Variants in SNRNP40 observed in about 807,000 individuals in gnomAD.
The protein encoded by SNRNP40 is small nuclear ribonucleoprotein U5 subunit 40, also known as U5 small nuclear ribonucleoprotein 40 kDa protein.
A neutral mutation model predicts 45.8 loss-of-function variants in SNRNP40; 21 were observed. That is an observed-to-expected ratio of 0.46 (90% CI 0.32 to 0.66). The LOEUF (loss-of-function observed/expected upper bound fraction) is 0.66. Among genes scored for constraint, SNRNP40 ranks in the 30% least tolerant of loss-of-function variants. The pLI is 0.03. For missense variants in SNRNP40, 344 were observed against 439.1 expected, an observed-to-expected ratio of 0.78 and a Z score of 1.94; for synonymous variants, 142 against 163.8, an observed-to-expected ratio of 0.87 and a Z score of 1.01.
chr1:31,263,785 C>T, intron 8 of SNRNP40: 1 of 244,278 alleles, frequency 4.1e-6, no homozygotes, highest in Non-Finnish European at 8.1e-6. Flanking sequence ...AGGAGCCCAG[C>T]AGGGGGTTCC....
In SNRNP40 at chr1:31,291,915, G is replaced by A; in HGVS notation, c.363C>T (p.Gly121=). The change falls in exon 3 of 10, where the codon GGC becomes GGT. Residue 121 remains glycine (G), a splice_region_variant and synonymous_variant. Coordinates refer to ENST00000263694, the MANE Select transcript of SNRNP40 (RefSeq NM_004814.3). ...AVMELHYNTD[G]SMLFSASTDK... ...CTTCCATTATGCAGAATACTCACCT[G>A]CCATCTGTGTTGTAATGCAATTCCA... The A allele has an allele frequency of 6.3e-7, 1 of 1,597,756 alleles. No homozygotes were observed. The highest frequency in any genetic ancestry group is 1.1e-5 in the South Asian group (1 of 90,784).
intron 1 of SNRNP40, 138 bp from the exon 2 acceptor site, chr1:31,293,486 T>G: frequency 1.2e-6 from 1 of 811,810 alleles, no homozygotes. Context: ...ATGGTAGCTC[T>G]TCTCATATGA....
At chr1:31,293,663 C>T (rs1438501936) in intron 1 of SNRNP40, among the ~76,000 whole-genome samples, 1 of 152,196 alleles carries the variant, frequency 6.6e-6, no homozygotes, top group Non-Finnish European at 1.5e-5. Flanking sequence ...TTCACTGCAG[C>T]TTCAAACTCC....
At chr1:31,266,229 TA>T (rs1645895524) in intron 8 of SNRNP40, among the ~76,000 whole-genome samples, 1 of 152,202 alleles carries the variant, frequency 6.6e-6, no homozygotes, top group Non-Finnish European at 1.5e-5. Flanking sequence ...GTGGCAGCGT[TA>T]GGGCCCCAAA....
rs188765999 is a variant in SNRNP40, at chr1:31,293,073, T to C, written c.271+146A>G. On this transcript the variant is annotated intron_variant, in intron 2 of 9. Transcript: ENST00000263694. ...GTTCTACACCCAAGATCATTCAGCA[T>C]GTTCATGCCCCAATTTTAGCATATT... 42 of 786,330 alleles carry C rather than the reference T, an allele frequency of 5.3e-5. No individual in the cohort carries two copies. The African/African-American group carries it at 6.8e-4, about 13-fold the overall frequency. 48.7% of individuals were successfully genotyped at this position (786,330 alleles called of 1,614,324 possible).
chr1:31,268,791 C>A (rs571790475), intron 7 of SNRNP40, among the ~76,000 whole-genome samples: 73 of 152,214 alleles, frequency 4.8e-4, no homozygotes, highest in South Asian at 1.9e-3. Context: ...TCACGGGATG[C>A]GGAGGCAGGT....
intron 4 of SNRNP40, among the ~76,000 whole-genome samples, chr1:31,288,634 C>T (rs1297735380): frequency 6.7e-6 from 1 of 148,480 alleles, no homozygotes; most frequent in African/African-American, 2.5e-5. Context: ...ATTCACTGAA[C>T]TTTTTATATA....
At chr1:31,286,747 T>G (rs1171252288) in intron 4 of SNRNP40, among the ~76,000 whole-genome samples, 1 of 152,098 alleles carries the variant, frequency 6.6e-6, no homozygotes, top group Non-Finnish European at 1.5e-5. Flanking sequence ...ATGGATGCCT[T>G]CCTCACTCTC....
chr1:31,288,956 C>T (rs185721411), intron 4 of SNRNP40, among the ~76,000 whole-genome samples: 2 of 152,334 alleles, frequency 1.3e-5, no homozygotes, highest in Admixed American at 1.3e-4. Context: ...TGGTCTTGAT[C>T]TCTTGACCTC....
intron 3 of SNRNP40, among the ~76,000 whole-genome samples, chr1:31,290,235 G>GAT (rs778367748): frequency 2.6e-5 from 4 of 151,560 alleles, no homozygotes; most frequent in Admixed American, 6.6e-5. Context: ...GAGTCTCACT[G>GAT]TGTTGCCCAG....
chr1:31,279,141 CTAAGTAT>C (rs1475895660), intron 5 of SNRNP40, among the ~76,000 whole-genome samples: 2 of 151,986 alleles, frequency 1.3e-5, no homozygotes, highest in African/African-American at 4.8e-5. Flanking sequence ...GGGTATTCCT[CTAAGTAT>C]TAAGAGTATA....
At chr1:31,281,184 T>C (rs1196460395) in intron 5 of SNRNP40, among the ~76,000 whole-genome samples, 190 bp downstream of exon 5, 1 of 152,240 alleles carries the variant, frequency 6.6e-6, no homozygotes, top group Admixed American at 6.5e-5. Flanking sequence ...ACAGCATTTA[T>C]AAGATCTGCA....
intron 8 of SNRNP40, among the ~76,000 whole-genome samples, chr1:31,264,764 T>A (rs1424417264): frequency 6.6e-6 from 1 of 152,136 alleles, no homozygotes; most frequent in African/African-American, 2.4e-5. Context: ...AGTTTGAATA[T>A]GAGGAGGTGA....
chr1:31,290,994 A>G lies in SNRNP40; in HGVS notation c.365+919T>C, dbSNP rs1002889454. On this transcript the variant is annotated intron_variant, in intron 3 of 9. Transcript: ENST00000263694. ...AAAAGGCATTAGAAAAATGTATAAA[A>G]TTAACAGTGATTGGCCAGGCACGGT... Among the ~76,000 whole-genome samples the G allele has an allele frequency of 5.3e-5, 8 of 152,006 alleles. No homozygotes were observed. The South Asian group carries it at 1.7e-3, about 32-fold the overall frequency.
At position 31,271,274 on chromosome 1, in the gene SNRNP40, C is replaced by T. The variant is rs1489266155; in HGVS notation, c.775+105G>A. On this transcript the variant is annotated intron_variant, in intron 6 of 9. Transcript: ENST00000263694. ...AGTCCTAGATTCTTGACTATCTCAC[C>T]TAAAGCTTTCCCCATTACAACACAT... The T allele has an allele frequency of 1.2e-5, 14 of 1,209,794 alleles. No homozygotes were observed. In the Admixed American group the frequency reaches 2.0e-4, roughly 17 times the overall value. The allele number at this position is 1,209,794 out of a possible 1,614,324, so 74.9% of individuals were successfully genotyped here.
chr1:31,269,097 C>T, intron 7 of SNRNP40, 61 bp downstream of exon 7: 2 of 1,432,002 alleles, frequency 1.4e-6, no homozygotes, highest in Non-Finnish European at 1.9e-6. Context: ...TCCTTAGTAC[C>T]ACCTTAAATG....
intron 5 of SNRNP40, among the ~76,000 whole-genome samples, chr1:31,277,418 A>G (rs1386111266): frequency 6.6e-6 from 1 of 152,230 alleles, no homozygotes; most frequent in Non-Finnish European, 1.5e-5. Context: ...TTTAATTGTA[A>G]TTAATTGTTA....
chr1:31,268,006 G>T, intron 7 of SNRNP40, 74 bp from the exon 8 acceptor site: 2 of 1,023,050 alleles, frequency 2.0e-6, no homozygotes, highest in Admixed American at 2.0e-5. Context: ...TCACTAAGAG[G>T]CTTTAAATTT....
At chr1:31,267,768 G>A (rs1431809127) in intron 8 of SNRNP40, 103 bp downstream of exon 8, 1 of 813,960 alleles carries the variant, frequency 1.2e-6, no homozygotes, top group African/African-American at 1.7e-5. Context: ...CTGACCTCAG[G>A]TGATCTGCCC....
Sources: allele counts gnomAD v4.1 joint callset (sites outside exome capture counted in the v4.1 genomes callset), GRCh38; gene constraint gnomAD v4.1.1; transcripts MANE v1.5; gene names NCBI Gene and HGNC (gene_info 2026-07-23, HGNC 2026-07-21).